Variants in PTK2B observed in about 807,000 individuals in gnomAD.
PTK2B encodes the protein protein-tyrosine kinase 2-beta.
In PTK2B, 71 loss-of-function variants were observed where a neutral mutation model predicts 142.9. That is an observed-to-expected ratio of 0.50 (90% CI 0.41 to 0.61). The LOEUF (loss-of-function observed/expected upper bound fraction) is 0.61. PTK2B is among the 20% of genes least tolerant of loss of function. The pLI is 0.00. For missense variants in PTK2B, 1,105 were observed against 1,320.4 expected, an observed-to-expected ratio of 0.84 and a Z score of 2.53; for synonymous variants, 519 against 503.4, an observed-to-expected ratio of 1.03 and a Z score of -0.42.
intron 1 of PTK2B, among the ~76,000 whole-genome samples, chr8:27,358,991 C>T (rs911263628): frequency 6.6e-5 from 10 of 152,132 alleles, no homozygotes; most frequent in African/African-American, 2.4e-4. Flanking sequence ...TCTCATGTCC[C>T]AAACTGTTGT....
At chr8:27,450,988 T>C in intron 25 of PTK2B, 55 bp from the exon 26 acceptor site, 1 of 1,610,352 alleles carries the variant, frequency 6.2e-7, no homozygotes, top group South Asian at 1.1e-5. Context: ...CCTGCATTCT[T>C]GGTGCTTTCA....
chr8:27,311,347 G>T, upstream of PTK2B: 1 of 1,309,706 alleles, frequency 7.6e-7, no homozygotes, highest in Non-Finnish European at 1.0e-6. Context: ...CCTTCCCCTG[G>T]AACGCTGAGA....
chr8:27,368,286 G>A (rs940762121), intron 1 of PTK2B, among the ~76,000 whole-genome samples: 2 of 152,168 alleles, frequency 1.3e-5, no homozygotes, highest in African/African-American at 2.4e-5. Context: ...CCGAACCTTA[G>A]GCAGGCTCCT....
At chr8:27,314,779 TG>T (rs1284589117) in intron 3 of PTK2B, among the ~76,000 whole-genome samples, 1 of 152,178 alleles carries the variant, frequency 6.6e-6, no homozygotes, top group African/African-American at 2.4e-5. Context: ...TCCAATTCTT[TG>T]TTCAAGATGC....
chr8:27,443,052 C>G, intron 22 of PTK2B, 69 bp downstream of exon 22: 5 of 1,107,400 alleles, frequency 4.5e-6, no homozygotes. Context: ...TGATCCATGT[C>G]CCCCTTACTG....
intron 1 of PTK2B, among the ~76,000 whole-genome samples, chr8:27,368,163 C>T (rs756137060): frequency 3.3e-5 from 5 of 152,194 alleles, no homozygotes; most frequent in South Asian, 2.1e-4. Flanking sequence ...GCGGGACGGA[C>T]GGGTGGCTCC....
chr8:27,321,387 A>G (rs113034732), upstream of PTK2B, among the ~76,000 whole-genome samples: 1 of 152,218 alleles, frequency 6.6e-6, no homozygotes, highest in East Asian at 1.9e-4. Flanking sequence ...TTATTATGTC[A>G]TAGTATCACC....
chr8:27,438,581 G>A (rs1450247205), intron 18 of PTK2B, among the ~76,000 whole-genome samples: 1 of 123,792 alleles, frequency 8.1e-6, no homozygotes, highest in African/African-American at 3.1e-5. Context: ...CTGTGGAAAT[G>A]CAGATGAGAG....
intron 1 of PTK2B, among the ~76,000 whole-genome samples, chr8:27,370,991 G>T (rs963749154): frequency 1.3e-5 from 2 of 152,094 alleles, no homozygotes; most frequent in African/African-American, 2.4e-5. Flanking sequence ...TGCCTCCTGG[G>T]TTCAAATGAT....
rs1036335874 is a variant in PTK2B, at chr8:27,439,546, G to A, written c.1834+148G>A. Reference sequence around the variant, plus strand: ...GCTGTGGCCACTGAGAAGTCTCAGAGGTGGGGAGGCCAGTAGGGGTAGGAA... The same window carrying A: ...GCTGTGGCCACTGAGAAGTCTCAGAAGTGGGGAGGCCAGTAGGGGTAGGAA... On this transcript the variant is annotated intron_variant, in intron 20 of 30. Transcript: ENST00000346049. 6.8e-6 allele frequency: 6 copies of A among 883,138 alleles called. No individual in the cohort carries two copies. The East Asian group carries it at 1.3e-4, about 19-fold the overall frequency. The allele number at this position is 883,138 out of a possible 1,614,324, so 54.7% of individuals were successfully genotyped here.
intron 1 of PTK2B, among the ~76,000 whole-genome samples, chr8:27,331,841 C>A (rs1474629655): frequency 6.6e-6 from 1 of 152,150 alleles, no homozygotes; most frequent in South Asian, 2.1e-4. Flanking sequence ...ATGTCCATCC[C>A]ACTGCTCTGG....
At chr8:27,444,333 C>T (rs2132311179) in intron 23 of PTK2B, 62 bp downstream of exon 23, 1 of 1,544,852 alleles carries the variant, frequency 6.5e-7, no homozygotes, top group East Asian at 2.2e-5. Flanking sequence ...CCTGAAACTC[C>T]ATTCTTGTGC....
Position 27,431,269 on chromosome 8 carries a change from G to A in PTK2B, c.811-129G>A, listed in dbSNP as rs760624343. The A allele has an allele frequency of 4.5e-6, 7 of 1,550,870 alleles. No individual in the cohort carries two copies. In the East Asian group the frequency reaches 1.4e-4, roughly 31 times the overall value. On this transcript the variant is annotated intron_variant, in intron 8 of 30. Transcript: ENST00000346049. Reference sequence around the variant, plus strand: ...GGAGGGGAAGATCCATATGGCCAGGGTTTCGGTGAGAAGGAGCTGGAGACC... The same window carrying A: ...GGAGGGGAAGATCCATATGGCCAGGATTTCGGTGAGAAGGAGCTGGAGACC...
intron 1 of PTK2B, among the ~76,000 whole-genome samples, chr8:27,370,167 G>A (rs957254094): frequency 3.9e-5 from 6 of 152,186 alleles, no homozygotes; most frequent in African/African-American, 1.4e-4. Context: ...CAGAACAGCT[G>A]TGTTGTATTG....
intron 18 of PTK2B, 101 bp downstream of exon 18, chr8:27,437,981 G>A: frequency 3.8e-6 from 4 of 1,043,834 alleles, no homozygotes; most frequent in Non-Finnish European, 5.7e-6. Context: ...ACAGAGCAGT[G>A]TTGGAATCCC....
At chr8:27,330,240 A>G (rs939969073) in intron 1 of PTK2B, among the ~76,000 whole-genome samples, 4 of 152,236 alleles carry the variant, frequency 2.6e-5, no homozygotes, top group Admixed American at 6.5e-5. Context: ...GGCAGATGAT[A>G]TGCATCCAAT....
chr8:27,331,381 T>C (rs1803739366), intron 1 of PTK2B, among the ~76,000 whole-genome samples: 1 of 151,998 alleles, frequency 6.6e-6, no homozygotes, highest in South Asian at 2.1e-4. Context: ...CTTCTGGGGG[T>C]TCCCTTCTCA....
intron 8 of PTK2B, 158 bp from the exon 9 acceptor site, chr8:27,431,240 G>A (rs1810398826): frequency 4.0e-6 from 6 of 1,514,016 alleles, no homozygotes; most frequent in Non-Finnish European, 5.3e-6. Flanking sequence ...CAGGCAAGGT[G>A]TCAGGAGGGG....
intron 10 of PTK2B, among the ~76,000 whole-genome samples, chr8:27,432,626 A>C (rs889811237): frequency 6.6e-5 from 10 of 152,186 alleles, no homozygotes; most frequent in African/African-American, 2.4e-4. Flanking sequence ...GTTCAAGGTG[A>C]CCAGAAATCA....
Sources: allele counts gnomAD v4.1 joint callset (sites outside exome capture counted in the v4.1 genomes callset), GRCh38; gene constraint gnomAD v4.1.1; transcripts MANE v1.5; gene names NCBI Gene and HGNC (gene_info 2026-07-23, HGNC 2026-07-21).